LRCH3: variants seen among roughly 807,000 people sequenced by gnomAD.
LRCH3 encodes DISP complex protein LRCH3.
In LRCH3, 68 loss-of-function variants were observed where a neutral mutation model predicts 104.5. The ratio of observed to expected loss-of-function variants is 0.65; its 90% confidence interval spans 0.54 to 0.80. LRCH3 has a LOEUF of 0.80. Ranked by LOEUF, LRCH3 falls within the 30% of genes least tolerant of loss-of-function variation. The pLI is 0.00. For synonymous variants in LRCH3, 344 were observed against 361.3 expected (o/e 0.95, Z 0.54); for missense variants, 951 against 953.9 (o/e 1.00, Z 0.04).
Position 197,856,978 on chromosome 3 carries a change from C to T in LRCH3, c.1645-1856C>T, listed in dbSNP as rs1404568057. ...TACGATTTGAAATGAAGATTTATAA[C>T]AGCTAATATCAGTTTACACTGACAT... On this transcript the variant is annotated intron_variant, in intron 14 of 20. Coordinates refer to ENST00000425562, the MANE Select transcript of LRCH3 (RefSeq NM_001365715.1). The surrounding 1 kb of genome is among the most constrained non-coding windows in gnomAD (Gnocchi z 4.2). Among the ~76,000 whole-genome samples, 4 of 152,242 alleles carry T rather than the reference C, an allele frequency of 2.6e-5. No individual in the cohort carries two copies. The highest frequency in any genetic ancestry group is 9.7e-5 in the African/African-American group (4 of 41,446).
intron 6 of LRCH3, among the ~76,000 whole-genome samples, chr3:197,830,226 G>A (rs1443117083): frequency 6.6e-6 from 1 of 152,174 alleles, no homozygotes; most frequent in African/African-American, 2.4e-5. Context: ...AAGGTCATCT[G>A]CTTGGCAGTC....
intron 1 of LRCH3, among the ~76,000 whole-genome samples, chr3:197,795,176 T>C (rs749221451): frequency 6.6e-6 from 1 of 151,920 alleles, no homozygotes; most frequent in Non-Finnish European, 1.5e-5. Context: ...GGAAAGCTAT[T>C]TTAGGCAGTG....
chr3:197,871,293 A>G (rs531998475), intron 18 of LRCH3, 32 bp from the exon 19 acceptor site: 8 of 1,544,342 alleles, frequency 5.2e-6, no homozygotes, highest in South Asian at 3.4e-5. Flanking sequence ...TCTTTCTTCA[A>G]TTAATCTATT....
intron 10 of LRCH3, among the ~76,000 whole-genome samples, chr3:197,844,872 G>T (rs147306215): frequency 6.6e-6 from 1 of 152,076 alleles, no homozygotes; most frequent in Admixed American, 6.6e-5. Context: ...CGCCCGCCTC[G>T]GCCTCCCAAA....
chr3:197,854,421 C>T lies in LRCH3; in HGVS notation c.1620C>T (p.His540=), dbSNP rs769686255. Reference sequence around the variant, plus strand: ...CCTTCCCATCCAGAAGGTCTCAGCACACTGATGATAGTGCCTTGTGCATGG... The same window carrying T: ...CCTTCCCATCCAGAAGGTCTCAGCATACTGATGATAGTGCCTTGTGCATGG... ...ECPFPSRRSQ[H]TDDSALCMSL... Residue 540 remains histidine (H), a synonymous_variant, in exon 14 of 21, where the codon CAC becomes CAT. Coordinates refer to ENST00000425562, the MANE Select transcript of LRCH3 (RefSeq NM_001365715.1). The surrounding 1 kb of genome is among the most constrained non-coding windows in gnomAD (Gnocchi z 4.5). 3 of 1,614,138 alleles carry T rather than the reference C, an allele frequency of 1.9e-6. No homozygotes were observed. In the Admixed American group the frequency reaches 5.0e-5, roughly 27 times the overall value.
At chr3:197,843,910 C>CT (rs1738205061) in intron 10 of LRCH3, among the ~76,000 whole-genome samples, 1 of 152,226 alleles carries the variant, frequency 6.6e-6, no homozygotes, top group Admixed American at 6.5e-5. Context: ...TTTAGAGTTA[C>CT]TTTTTAGTGG....
chr3:197,865,218 T>C (rs1741346635), intron 15 of LRCH3, among the ~76,000 whole-genome samples: 1 of 152,108 alleles, frequency 6.6e-6, no homozygotes, highest in Non-Finnish European at 1.5e-5. Flanking sequence ...CAACTCCTGC[T>C]CTCAAGTAAT....
Position 197,847,962 on chromosome 3 carries a change from G to A in LRCH3, c.1471G>A (p.Glu491Lys). The A allele has an allele frequency of 1.2e-6, 2 of 1,614,150 alleles. No individual in the cohort carries two copies. Among genetic ancestry groups the A allele is most frequent in the Non-Finnish European group, 1.7e-6 (2 of 1,180,012 alleles). ...GGCTCAGCTTGCTGCCCTGCAGTAT[G>A]AGGAGGAGAAAATAAGGACCAAGCA... ...REAQLAALQY[E>K]EEKIRTKQIQ... Residue 491 changes from glutamate to lysine, a missense_variant, in exon 12 of 21, where the codon GAG becomes AAG. Glu to Lys is a moderately conservative substitution (Grantham distance 56). Transcript: ENST00000425562.
intron 1 of LRCH3, among the ~76,000 whole-genome samples, chr3:197,793,873 A>C (rs1730903040): frequency 1.3e-5 from 2 of 152,206 alleles, no homozygotes; most frequent in Non-Finnish European, 2.9e-5. Flanking sequence ...ATAAAAAAAA[A>C]TCTTTGGCAG....
chr3:197,844,162 G>A (rs1018028665), intron 10 of LRCH3, among the ~76,000 whole-genome samples: 5 of 152,206 alleles, frequency 3.3e-5, no homozygotes, highest in Admixed American at 1.3e-4. Flanking sequence ...ACACCCAGGA[G>A]TCTGAGTAAA....
At chr3:197,852,477 T>G (rs1739738740) in intron 12 of LRCH3, 84 bp from the exon 13 acceptor site, 1 of 1,258,448 alleles carries the variant, frequency 7.9e-7, no homozygotes. Flanking sequence ...ATTTGAGTGA[T>G]TATTTTAGTA....
intron 19 of LRCH3, among the ~76,000 whole-genome samples, chr3:197,872,084 G>A (rs956354111): frequency 1.1e-4 from 16 of 152,180 alleles, no homozygotes; most frequent in Non-Finnish European, 4.4e-5. Flanking sequence ...TAGGCTGGGC[G>A]CGGTGGCTCA....
At position 197,856,640 on chromosome 3, in the gene LRCH3, G is replaced by C. The variant is rs181547061; in HGVS notation, c.1645-2194G>C. 3.9e-5 allele frequency among the ~76,000 whole-genome samples: 6 copies of C among 152,150 alleles called. No homozygotes were observed. The East Asian group carries it at 1.2e-3, about 29-fold the overall frequency. ...GGGCTCAAGCAATCCTCCTGCCCCA[G>C]CCTCCCAAAGTGCTGAGATTACAGG... On this transcript the variant is annotated intron_variant, in intron 14 of 20. Coordinates refer to ENST00000425562, the MANE Select transcript of LRCH3 (RefSeq NM_001365715.1). This position sits in a 1 kb window ranked among gnomAD's most constrained non-coding sequence, Gnocchi z 4.2.
At chr3:197,834,541 T>C (rs923817618) in intron 8 of LRCH3, among the ~76,000 whole-genome samples, 6 of 152,230 alleles carry the variant, frequency 3.9e-5, no homozygotes, top group Non-Finnish European at 7.3e-5. Flanking sequence ...TTCTCTTTTT[T>C]GTGTGTGGCC....
At position 197,830,785 on chromosome 3, in the gene LRCH3, C is replaced by G. The variant is rs755249012; in HGVS notation, c.903C>G (p.Tyr301Ter). The part of the protein sequence containing the change: ...LGFGSCHEEL[Y>*]SSRPYGALDS... ...TTTTCGGCAGCCATGAAGAACTGTA[C>G]TCAAGTCGCCCTTATGGAGCCCTTG... is the stretch of plus-strand genomic sequence containing the variant. Residue 301 changes from tyrosine (Y) to a stop codon, truncating the protein, a stop_gained, in exon 7 of 21, where the codon TAC (tyrosine) becomes TAG (stop). Transcript: ENST00000425562. LOFTEE classifies it high-confidence loss of function. 1 of 1,613,822 alleles carries G rather than the reference C, an allele frequency of 6.2e-7. No individual in the cohort carries two copies. Among genetic ancestry groups the G allele is most frequent in the Admixed American group, 1.7e-5 (1 of 60,008 alleles).
At chr3:197,850,771 G>T (rs183764601) in intron 12 of LRCH3, 22 of 1,258,240 alleles carry the variant, frequency 1.7e-5, no homozygotes, top group Non-Finnish European at 2.5e-5. Flanking sequence ...TCATTGTAAC[G>T]TCGGAATGGT....
rs1042868475 is a variant in LRCH3, at chr3:197,885,822, G to A, written c.*2156G>A. 15 of 152,188 alleles carry A rather than the reference G, an allele frequency of 9.9e-5. No homozygotes were observed. Among genetic ancestry groups the A allele is most frequent in the Non-Finnish European group, 8.8e-5 (6 of 68,044 alleles). The allele number at this position is 152,188 out of a possible 1,614,324, so 9.4% of individuals were successfully genotyped here. Reference sequence around the variant, plus strand: ...TTTGTAAAACAAGTAAATAAAGTAAGCGGAAGATATCTCTTTTGTTTCTGT... The same window carrying A: ...TTTGTAAAACAAGTAAATAAAGTAAACGGAAGATATCTCTTTTGTTTCTGT... On this transcript the variant is annotated 3_prime_UTR_variant, in exon 21 of 21. Coordinates refer to ENST00000425562, the MANE Select transcript of LRCH3 (RefSeq NM_001365715.1).
chr3:197,824,845 C>T (rs62283989), intron 4 of LRCH3, among the ~76,000 whole-genome samples: 31,653 of 151,122 alleles, frequency 0.21, 3,592 homozygotes, highest in African/African-American at 0.27. Flanking sequence ...GCTGGGATTA[C>T]AGGCGTGAGC....
chr3:197,870,767 C>G (rs767512914), intron 18 of LRCH3, among the ~76,000 whole-genome samples: 1 of 150,998 alleles, frequency 6.6e-6, no homozygotes, highest in Non-Finnish European at 1.5e-5. Flanking sequence ...TGAGCTTCCG[C>G]GCCCGGCTGT....
Sources: allele counts gnomAD v4.1 joint callset (sites outside exome capture counted in the v4.1 genomes callset), GRCh38; gene constraint gnomAD v4.1.1; non-coding constraint Gnocchi (gnomAD v3.1); transcripts MANE v1.5; gene names NCBI Gene and HGNC (gene_info 2026-07-23, HGNC 2026-07-21).